The following INPP5F variants were observed in gnomAD, a reference collection of about 807,000 sequenced individuals.
INPP5F encodes inositol polyphosphate-5-phosphatase F, also known as phosphatidylinositide 4-phosphatase SAC2.
In INPP5F, 97 loss-of-function variants were observed where a neutral mutation model predicts 137.2. The observed-to-expected ratio is 0.71, with a 90% CI of 0.60 to 0.84. The LOEUF (loss-of-function observed/expected upper bound fraction) is 0.84. INPP5F is among the 40% of genes least tolerant of loss of function. INPP5F has a pLI of 0.00. For missense variants in INPP5F, 1,271 were observed against 1,371.9 expected (o/e 0.93, Z 1.16); for synonymous variants, 504 against 476.9 (o/e 1.06, Z -0.74).
chr10:119,823,580 C>T (rs1474172748), intron 18 of INPP5F, among the ~76,000 whole-genome samples: 1 of 112,566 alleles, frequency 8.9e-6, no homozygotes, highest in Non-Finnish European at 2.0e-5. Flanking sequence ...TGAACTAGAA[C>T]AAACTTTTAT....
chr10:119,732,211 A>G (rs1242884601), intron 1 of INPP5F, among the ~76,000 whole-genome samples: 8 of 150,866 alleles, frequency 5.3e-5, no homozygotes, highest in Admixed American at 4.0e-4. Context: ...AATTTTTTGT[A>G]TTTTTAGTAG....
At chr10:119,805,271 A>G in intron 10 of INPP5F, 113 bp from the exon 11 acceptor site, 1 of 724,846 alleles carries the variant, frequency 1.4e-6, no homozygotes, top group Admixed American at 2.4e-5. Context: ...TCATATATGT[A>G]CAGCAACAAT....
At chr10:119,729,578 CTT>C (rs10716310) in intron 1 of INPP5F, among the ~76,000 whole-genome samples, 283 of 142,530 alleles carry the variant, frequency 2.0e-3, no homozygotes, top group Middle Eastern at 0.01. Flanking sequence ...ATCTCATTAT[CTT>C]TTTTTTTTTT....
intron 2 of INPP5F, among the ~76,000 whole-genome samples, chr10:119,774,503 T>C (rs1277517319): frequency 6.6e-6 from 1 of 151,680 alleles, no homozygotes; most frequent in African/African-American, 2.4e-5. Context: ...TTGTTTTTTT[T>C]TTTCTTTCTT....
intron 12 of INPP5F, 135 bp downstream of exon 12, chr10:119,806,615 C>T (rs2134245487): frequency 1.3e-6 from 1 of 765,258 alleles, no homozygotes; most frequent in East Asian, 3.2e-5. Context: ...ACCCTTGTTG[C>T]ATTAAAATCT....
In INPP5F at chr10:119,824,502, T is replaced by C. The variant is rs568557923; in HGVS notation, c.2249+600T>C. On this transcript the variant is annotated intron_variant, in intron 19 of 19. Coordinates refer to ENST00000650623, the MANE Select transcript of INPP5F (RefSeq NM_014937.4). ...CACCACAGAAGCCACGTGCACTTCT[T>C]AGTGCCTCGTGCTGTGGGGAGGGAG... Among the ~76,000 whole-genome samples, 164 of 152,298 alleles carry C rather than the reference T, an allele frequency of 1.1e-3. 1 individual carries two copies. The highest frequency in any genetic ancestry group is 1.9e-3 in the Non-Finnish European group (132 of 68,016).
At chr10:119,809,819 T>C (rs1850956611) in intron 13 of INPP5F, among the ~76,000 whole-genome samples, 1 of 152,262 alleles carries the variant, frequency 6.6e-6, no homozygotes, top group Admixed American at 6.5e-5. Context: ...TGTTTTGACC[T>C]GTAAATTCTA....
At chr10:119,785,286 G>GTTGTTTT (rs770290302) in intron 3 of INPP5F, among the ~76,000 whole-genome samples, 1 of 106,228 alleles carries the variant, frequency 9.4e-6, no homozygotes, top group Admixed American at 9.8e-5. Flanking sequence ...CTGCCAGACT[G>GTTGTTTT]TTTTTTTTTT....
intron 2 of INPP5F, among the ~76,000 whole-genome samples, chr10:119,763,076 G>A (rs536441289): frequency 6.6e-6 from 1 of 152,332 alleles, no homozygotes; most frequent in South Asian, 2.1e-4. Context: ...ACAATGGTGG[G>A]ACAGACTTGG....
At chr10:119,814,896 C>T (rs150206401) in intron 15 of INPP5F, among the ~76,000 whole-genome samples, 72 of 152,070 alleles carry the variant, frequency 4.7e-4, no homozygotes, top group African/African-American at 1.6e-3. Flanking sequence ...GACAGCGTCT[C>T]GCTCTGTCGC....
chr10:119,748,123 C>T lies in INPP5F; in HGVS notation c.98-2953C>T, dbSNP rs752856129. On this transcript the variant is annotated intron_variant, in intron 1 of 19. Coordinates refer to ENST00000650623, the MANE Select transcript of INPP5F (RefSeq NM_014937.4). This position sits in a 1 kb window ranked among gnomAD's most constrained non-coding sequence, Gnocchi z 4.7. ...TGCGGAGTGGCGAGTGGTGTATGAG[C>T]GAGCGTGCACGGTCCAGACACTATG... Among the ~76,000 whole-genome samples, 8 of 152,158 alleles carry T rather than the reference C, an allele frequency of 5.3e-5. No homozygotes were observed. Among genetic ancestry groups the T allele is most frequent in the Non-Finnish European group, 1.0e-4 (7 of 68,034 alleles).
intron 11 of INPP5F, 21 bp downstream of exon 11, chr10:119,805,482 C>T (rs1850741284): frequency 1.3e-6 from 2 of 1,493,052 alleles, no homozygotes; most frequent in Non-Finnish European, 9.3e-7. Flanking sequence ...TACAAGAACT[C>T]CTTTTTACAG....
intron 1 of INPP5F, among the ~76,000 whole-genome samples, chr10:119,750,566 C>CA (rs1848663221): frequency 1.3e-5 from 2 of 152,198 alleles, no homozygotes; most frequent in South Asian, 4.1e-4. Context: ...AGAAGGCACT[C>CA]AAACGGAAAC....
At position 119,797,644 on chromosome 10, in the gene INPP5F, AGC is replaced by A; in HGVS notation, c.1048+5_1048+6del. The stretch of plus-strand genomic sequence containing the variant: ...CCAAGACCGCGGCTGGACAGAAGTA[AGC>A]AGGTCAATTATTGGGTTTGCAAATG... On this transcript the variant is annotated splice_donor_5th_base_variant and intron_variant, in intron 8 of 19. Coordinates refer to ENST00000650623, the MANE Select transcript of INPP5F (RefSeq NM_014937.4). 1 of 1,596,504 alleles carries A rather than the reference AGC, an allele frequency of 6.3e-7. No homozygotes were observed. The highest frequency in any genetic ancestry group is 8.5e-7 in the Non-Finnish European group (1 of 1,171,754).
At chr10:119,759,258 C>G (rs1016077728) in intron 2 of INPP5F, among the ~76,000 whole-genome samples, 2 of 152,162 alleles carry the variant, frequency 1.3e-5, no homozygotes, top group African/African-American at 2.4e-5. Context: ...TGGGCTCAAG[C>G]AGTCTACCTG....
chr10:119,765,501 A>T (rs1473601053), intron 2 of INPP5F, among the ~76,000 whole-genome samples: 1 of 150,968 alleles, frequency 6.6e-6, no homozygotes, highest in Non-Finnish European at 1.5e-5. Context: ...CCTCTTGAGT[A>T]GCTGGGACTA....
In INPP5F at chr10:119,811,733, T is replaced by C. The variant is rs201915226; in HGVS notation, c.1688-24T>C. The C allele has an allele frequency of 3.1e-5, 48 of 1,558,244 alleles. No homozygotes were observed. The African/African-American group carries it at 3.3e-4, about 11-fold the overall frequency. ...ATATATTAGTAAACTAAAATGATGA[T>C]AGATATTAACAATTCCACCCTAGAT... On this transcript the variant is annotated intron_variant, in intron 14 of 19. Transcript: ENST00000650623.
Position 119,798,563 on chromosome 10 carries a change from T to A in INPP5F, c.1069T>A (p.Tyr357Asn). ...TGTAGGTGAAAAGGAAACTGTTGCC[T>A]ATTTCTGTGCCCATTTCGAAGAACA... ...LDRSEKETVA[Y>N]FCAHFEEQLN... The change falls in exon 9 of 20, where the codon TAT becomes AAT. Residue 357 changes from tyrosine to asparagine, a missense_variant. Tyr to Asn is a moderately radical substitution (Grantham distance 143). This residue lies in a region of INPP5F where 593 missense variants were observed against 712.4 expected (regional missense o/e 0.83). Transcript: ENST00000650623. 6.2e-7 allele frequency: 1 copy of A among 1,612,566 alleles called. No homozygotes were observed. The highest frequency in any genetic ancestry group is 8.5e-7 in the Non-Finnish European group (1 of 1,179,210).
intron 17 of INPP5F, 79 bp from the exon 18 acceptor site, chr10:119,822,990 ATG>A: frequency 7.3e-7 from 1 of 1,365,310 alleles, no homozygotes; most frequent in Non-Finnish European, 1.0e-6. Context: ...ATGAAGAAAA[ATG>A]TGTTGGGTCT....
Sources: gnomAD v4.1 joint callset for allele counts (sites outside exome capture counted in the v4.1 genomes callset) on GRCh38, gnomAD v4.1.1 for gene constraint, gnomAD v4.1.1 regional missense constraint, Gnocchi (gnomAD v3.1) non-coding constraint, MANE v1.5 for transcripts, NCBI Gene and HGNC (gene_info 2026-07-23, HGNC 2026-07-21) for gene names.